TCF7: variants seen among roughly 807,000 people sequenced by gnomAD.
The protein encoded by TCF7 is T-cell-factor-7.
TCF7 carries 19 observed loss-of-function variants against 46.8 expected under a neutral mutation model. The ratio of observed to expected loss-of-function variants is 0.41; its 90% CI spans 0.28 to 0.60. The LOEUF is 0.60. TCF7 is among the 20% of genes least tolerant of loss of function. The pLI is 0.35. For missense variants in TCF7, 547 were observed against 504.6 expected (o/e 1.08, Z -0.81); for synonymous variants, 245 against 213.4 (o/e 1.15, Z -1.29).
intron 3 of TCF7, among the ~76,000 whole-genome samples, chr5:134,128,055 A>C (rs1029390148): frequency 2.0e-5 from 3 of 152,078 alleles, no homozygotes; most frequent in Admixed American, 2.0e-4. Flanking sequence ...GTACTGGAGG[A>C]GGGATTTGAG....
intron 3 of TCF7, among the ~76,000 whole-genome samples, chr5:134,125,361 T>C (rs942212027): frequency 1.3e-5 from 2 of 152,204 alleles, no homozygotes; most frequent in Middle Eastern, 3.2e-3. Context: ...TTGGTGGGGC[T>C]CAGCTGACCT....
At chr5:134,119,755 C>T (rs148562463) in intron 3 of TCF7, among the ~76,000 whole-genome samples, 16 of 152,354 alleles carry the variant, frequency 1.1e-4, no homozygotes, top group Admixed American at 2.0e-4. Context: ...GAAGGAAGTG[C>T]TGCTGATGCA....
At chr5:134,114,222 A>G (rs1755483765), upstream of TCF7, among the ~76,000 whole-genome samples, 1 of 152,028 alleles carries the variant, frequency 6.6e-6, no homozygotes, top group Non-Finnish European at 1.5e-5. Flanking sequence ...AGCGCCGCGG[A>G]GTTCCAACGC....
intron 3 of TCF7, among the ~76,000 whole-genome samples, chr5:134,121,999 G>A (rs549562064): frequency 1.6e-4 from 25 of 152,190 alleles, no homozygotes; most frequent in Non-Finnish European, 2.8e-4. Context: ...TGGGCAGTGC[G>A]ACTGTGAGCT....
At chr5:134,141,932 T>A in intron 5 of TCF7, 1 of 388,624 alleles carries the variant, frequency 2.6e-6, no homozygotes, top group Non-Finnish European at 4.5e-6. Context: ...GGGGACAGAT[T>A]CAAAAGCTAC....
chr5:134,109,770 C>CAAAAAAAA (rs59510685), upstream of TCF7, among the ~76,000 whole-genome samples: 721 of 140,010 alleles, frequency 5.1e-3, 14 homozygotes, highest in African/African-American at 0.019. Context: ...GGCTCCATCT[C>CAAAAAAAA]AAAAAAAAAA....
chr5:134,134,965 C>T (rs1262422239), intron 3 of TCF7, among the ~76,000 whole-genome samples: 3 of 152,114 alleles, frequency 2.0e-5, no homozygotes, highest in African/African-American at 7.2e-5. Context: ...TAGAGCTTTA[C>T]TTATTTGAGA....
In TCF7 at chr5:134,146,335, A is replaced by G. The variant is rs1760705859; in HGVS notation, c.*32A>G. On this transcript the variant is annotated 3_prime_UTR_variant, in exon 10 of 10. Transcript: ENST00000342854. ...CCGGGTCCCCAGCTCCCCAGGACTC[A>G]CCCTCATACCATCTGCTGCCCCGCT... The G allele has an allele frequency of 6.2e-7, 1 of 1,612,052 alleles. No homozygotes were observed. Among genetic ancestry groups the G allele is most frequent in the Non-Finnish European group, 8.5e-7 (1 of 1,178,258 alleles).
At chr5:134,136,842 A>G (rs1475715175) in intron 3 of TCF7, among the ~76,000 whole-genome samples, 3 of 152,172 alleles carry the variant, frequency 2.0e-5, no homozygotes, top group Non-Finnish European at 4.4e-5. Flanking sequence ...GCCCCTCATT[A>G]CTGACTTGCT....
In TCF7 at chr5:134,146,888, T is replaced by G; in HGVS notation, c.*585T>G. ...CTACCTTCTCTACCCATCTCCCCCA[T>G]CCCCCACTGCCACACCCTCCCCATT... On this transcript the variant is annotated 3_prime_UTR_variant, in exon 10 of 10. Coordinates refer to ENST00000342854, the MANE Select transcript of TCF7 (RefSeq NM_003202.5). 1 of 283,486 alleles carries G rather than the reference T, an allele frequency of 3.5e-6. No homozygotes were observed. Among genetic ancestry groups the G allele is most frequent in the Non-Finnish European group, 6.7e-6 (1 of 150,188 alleles). The allele number at this position is 283,486 out of a possible 1,614,324, so 17.6% of individuals were successfully genotyped here.
At position 134,142,712 on chromosome 5, in the gene TCF7, G is replaced by A. The variant is rs751552977; in HGVS notation, c.756-9G>A. On this transcript the variant is annotated splice_polypyrimidine_tract_variant and intron_variant, in intron 6 of 9. Transcript: ENST00000342854. Reference sequence around the variant, plus strand: ...GGGCTCCTGAACAATCTGGATTTGTGCCCCTCAGGAAGACACAAGCAGAGT... The same window carrying A: ...GGGCTCCTGAACAATCTGGATTTGTACCCCTCAGGAAGACACAAGCAGAGT... 4 of 1,613,628 alleles carry A rather than the reference G, an allele frequency of 2.5e-6. No homozygotes were observed. The African/African-American group carries it at 4.0e-5, about 16-fold the overall frequency.
intron 5 of TCF7, chr5:134,141,089 C>T (rs1030908979): frequency 6.7e-6 from 2 of 298,504 alleles, no homozygotes; most frequent in South Asian, 5.2e-5. Context: ...TGGGCCACAC[C>T]GTGCAGCAGA....
intron 3 of TCF7, among the ~76,000 whole-genome samples, chr5:134,132,544 C>T (rs1482252980): frequency 6.6e-6 from 1 of 152,230 alleles, no homozygotes; most frequent in African/African-American, 2.4e-5. Context: ...GAAACAGCAA[C>T]TTTCTTCGCT....
At chr5:134,113,934 C>A (rs892249992), upstream of TCF7, among the ~76,000 whole-genome samples, 1 of 152,160 alleles carries the variant, frequency 6.6e-6, no homozygotes, top group African/African-American at 2.4e-5. Flanking sequence ...TCCGAGTCTC[C>A]GGGCTGCAGG....
chr5:134,125,493 A>G (rs1757224439), intron 3 of TCF7, among the ~76,000 whole-genome samples: 1 of 152,226 alleles, frequency 6.6e-6, no homozygotes, highest in Non-Finnish European at 1.5e-5. Flanking sequence ...TTATCTGGGC[A>G]CAGGTCTCAC....
intron 8 of TCF7, 83 bp from the exon 9 acceptor site, chr5:134,143,509 G>C (rs2149356146): frequency 6.3e-7 from 1 of 1,575,362 alleles, no homozygotes; most frequent in East Asian, 2.2e-5. Context: ...AGAATCCCAG[G>C]GTTACCCAAG....
chr5:134,134,998 G>A (rs1037242296), intron 3 of TCF7, among the ~76,000 whole-genome samples: 4 of 152,224 alleles, frequency 2.6e-5, no homozygotes, highest in Admixed American at 2.0e-4. Context: ...CTGTCACCCA[G>A]GCTGGAGTGC....
the TCF7 span, among the ~76,000 whole-genome samples, chr5:134,108,840 T>C: frequency 6.6e-6 from 1 of 152,100 alleles, no homozygotes; most frequent in Non-Finnish European, 1.5e-5. Flanking sequence ...GGGGTCAAAG[T>C]CCACCATCAC....
chr5:134,115,193 G>A, intron 1 of TCF7, 38 bp downstream of exon 1: 2 of 1,091,430 alleles, frequency 1.8e-6, no homozygotes, highest in Non-Finnish European at 2.2e-6. Flanking sequence ...CCCCGCGGTC[G>A]CCGCGCCGCG....
Sources: gnomAD v4.1 joint callset for allele counts (sites outside exome capture counted in the v4.1 genomes callset) on GRCh38, gnomAD v4.1.1 for gene constraint, MANE v1.5 for transcripts, NCBI Gene and HGNC (gene_info 2026-07-23, HGNC 2026-07-21) for gene names.